The following DAB2 variants were observed in gnomAD, a reference collection of about 807,000 sequenced individuals.
DAB2 encodes the protein DAB adaptor protein 2, also known as disabled homolog 2.
A neutral mutation model predicts 71.6 loss-of-function variants in DAB2; 28 were observed. That is an observed-to-expected ratio of 0.39 (90% CI 0.29 to 0.54). The LOEUF (loss-of-function observed/expected upper bound fraction) is 0.54, where lower values mean the gene tolerates loss of function less well. Among genes scored for constraint, DAB2 ranks in the 20% least tolerant of loss-of-function variants. The pLI, the probability that DAB2 is intolerant of heterozygous loss-of-function variation, is 0.68. For missense variants in DAB2, 867 were observed against 928.8 expected (o/e 0.93, Z 0.86); for synonymous variants, 345 against 339.7 (o/e 1.02, Z -0.17).
At chr5:39,414,993 T>A (rs1201730500) in intron 1 of DAB2, among the ~76,000 whole-genome samples, 1 of 152,092 alleles carries the variant, frequency 6.6e-6, no homozygotes, top group Non-Finnish European at 1.5e-5. Flanking sequence ...AGGTCACAGT[T>A]ATAACTGATG....
At chr5:39,412,714 T>TA (rs1380990688) in intron 1 of DAB2, among the ~76,000 whole-genome samples, 10 of 152,160 alleles carry the variant, frequency 6.6e-5, no homozygotes, top group Non-Finnish European at 1.2e-4. Flanking sequence ...GATGTGATGC[T>TA]AAGACATTAT....
chr5:39,404,250 G>C (rs78795008), intron 1 of DAB2, among the ~76,000 whole-genome samples: 7,331 of 108,342 alleles, frequency 0.068, 399 homozygotes, highest in African/African-American at 0.14. Context: ...GTTGTGGGGT[G>C]GGGGGAGGGG....
chr5:39,390,847 G>A (rs1262824423), intron 4 of DAB2, among the ~76,000 whole-genome samples: 1 of 152,136 alleles, frequency 6.6e-6, no homozygotes, highest in African/African-American at 2.4e-5. Flanking sequence ...ATGCCACATA[G>A]CCAGGAAGGA....
At chr5:39,402,246 A>G (rs181243711) in intron 1 of DAB2, among the ~76,000 whole-genome samples, 147 of 152,278 alleles carry the variant, frequency 9.7e-4, no homozygotes, top group African/African-American at 3.4e-3. Context: ...AAGCCAAACC[A>G]TATCAGTAGC....
At chr5:39,397,349 A>T (rs1202864688) in intron 1 of DAB2, among the ~76,000 whole-genome samples, 6 of 152,174 alleles carry the variant, frequency 3.9e-5, no homozygotes, top group African/African-American at 1.2e-4. Flanking sequence ...TATCAGCACC[A>T]TGAGACCCCC....
intron 11 of DAB2, among the ~76,000 whole-genome samples, chr5:39,377,669 A>G (rs1754865086): frequency 6.6e-6 from 1 of 152,210 alleles, no homozygotes; most frequent in African/African-American, 2.4e-5. Flanking sequence ...TTAAGTGAAT[A>G]TATTTTTATG....
intron 1 of DAB2, among the ~76,000 whole-genome samples, chr5:39,412,784 T>G (rs1755760708): frequency 1.3e-5 from 2 of 152,002 alleles, no homozygotes; most frequent in African/African-American, 4.8e-5. Context: ...AGCACAGGAG[T>G]GAAGCAACAA....
In DAB2 at chr5:39,377,286, A is replaced by C. The variant is rs566946886; in HGVS notation, c.1505-4T>G. ...GGGAGTGTGACAGTTACACCACCTG[A>C]AGTAAGAGGAAGAAAAATACTTATC... On this transcript the variant is annotated splice_region_variant and splice_polypyrimidine_tract_variant and intron_variant, in intron 11 of 14. Transcript: ENST00000320816. 1 of 1,602,576 alleles carries C rather than the reference A, an allele frequency of 6.2e-7. No individual in the cohort carries two copies. The highest frequency in any genetic ancestry group is 1.1e-5 in the South Asian group (1 of 89,506).
rs751135253 is a variant in DAB2, at chr5:39,379,285, CT to C, written c.1505-2004del. On this transcript the variant is annotated intron_variant, in intron 11 of 14. Coordinates refer to ENST00000320816, the MANE Select transcript of DAB2 (RefSeq NM_001343.4). ...CCTGGCCAACGTGGCGAAACCCTGT[CT>C]CTACTAACATACAAAAATTAGCTGG... is the stretch of plus-strand genomic sequence containing the variant. 2.4e-4 allele frequency among the ~76,000 whole-genome samples: 37 copies of C among 151,908 alleles called. 1 individual carries two copies. Among genetic ancestry groups the C allele is most frequent in the Admixed American group, 2.3e-3 (35 of 15,266 alleles).
intron 9 of DAB2, among the ~76,000 whole-genome samples, chr5:39,385,955 T>C (rs1018963704): frequency 1.3e-5 from 2 of 152,208 alleles, no homozygotes; most frequent in African/African-American, 4.8e-5. Context: ...GATTTTTCTG[T>C]CTGCACTTGC....
At chr5:39,373,920 C>A (rs73078540) in intron 14 of DAB2, among the ~76,000 whole-genome samples, 169 of 152,222 alleles carry the variant, frequency 1.1e-3, no homozygotes, top group African/African-American at 3.8e-3. Flanking sequence ...ATTTCCTTGG[C>A]ACCAAAGAGA....
chr5:39,392,695 A>C (rs1755264432), intron 3 of DAB2, among the ~76,000 whole-genome samples: 1 of 152,226 alleles, frequency 6.6e-6, no homozygotes, highest in Non-Finnish European at 1.5e-5. Context: ...TCTTGGCCTC[A>C]GAATAGTCAC....
chr5:39,383,229 C>A lies in DAB2; in HGVS notation c.730G>T (p.Asp244Tyr). The A allele has an allele frequency of 6.2e-7, 1 of 1,613,378 alleles. No individual in the cohort carries two copies. The highest frequency in any genetic ancestry group is 1.1e-5 in the South Asian group (1 of 90,998). The change falls in exon 10 of 15, where the codon GAC becomes TAC. Residue 244 changes from aspartate (D) to tyrosine (Y), a missense_variant. Physicochemically the swap from Asp to Tyr is radical, Grantham distance 160. Around this residue, in one of 2 missense-constraint regions of DAB2, gnomAD observed 740 missense variants for 734.3 expected, o/e 1.01. Transcript: ENST00000320816. ...TCTCTTAAAGAATTCTGATTGGTGT[C>A]GATTTCAGAGTTTAGATCCACTAAC... ...ILLVDLNSEIDTNQNSLRENP... is the reference protein window; with the variant it reads ...ILLVDLNSEIYTNQNSLRENP...
In DAB2 at chr5:39,402,025, G is replaced by C. The variant is rs184068786; in HGVS notation, c.-101-7604C>G. On this transcript the variant is annotated intron_variant, in intron 1 of 14. Coordinates refer to ENST00000320816, the MANE Select transcript of DAB2 (RefSeq NM_001343.4). The stretch of plus-strand genomic sequence containing the variant: ...CTCACAATCGTGGTGGAAGGTGAAA[G>C]GCACGTCTTACATGGTGGCAGACAA... 6.6e-3 allele frequency among the ~76,000 whole-genome samples: 1,008 copies of C among 152,228 alleles called. 6 individuals carry two copies. The highest frequency in any genetic ancestry group is 0.023 in the African/African-American group (958 of 41,512).
intron 1 of DAB2, chr5:39,423,899 TAAAA>T (rs1390849008): frequency 1.3e-5 from 2 of 150,990 alleles, no homozygotes; most frequent in Non-Finnish European, 3.0e-5. Context: ...AAACAAAAAC[TAAAA>T]AGAAAGGGGA....
chr5:39,390,058 T>C lies in DAB2; in HGVS notation c.463-126A>G, dbSNP rs1435982470. The C allele has an allele frequency of 5.8e-6, 4 of 691,948 alleles. No individual in the cohort carries two copies. In the East Asian group the frequency reaches 1.1e-4, roughly 20 times the overall value. The allele number at this position is 691,948 out of a possible 1,614,324, so 42.9% of individuals were successfully genotyped here. ...CTTAAAACGCCTTACTACCCTCTGC[T>C]GGCTTATAGGGGATCACCACCAACC... On this transcript the variant is annotated intron_variant, in intron 5 of 14. Transcript: ENST00000320816.
At chr5:39,382,371 G>A (rs1754999178) in intron 10 of DAB2, among the ~76,000 whole-genome samples, 1 of 152,158 alleles carries the variant, frequency 6.6e-6, no homozygotes, top group South Asian at 2.1e-4. Flanking sequence ...AAAAACTTGT[G>A]TTTAGTTTAA....
At position 39,382,643 on chromosome 5, in the gene DAB2, G is replaced by A. The variant is rs1183022940; in HGVS notation, c.1316C>T (p.Pro439Leu). 7 of 1,613,928 alleles carry A rather than the reference G, an allele frequency of 4.3e-6. No individual in the cohort carries two copies. Among genetic ancestry groups the A allele is most frequent in the Non-Finnish European group, 5.9e-6 (7 of 1,179,844 alleles). ...CTTAGCAGTCCTTCTGCCTCTTCCT[G>A]GTTTGGTACTTTGTGGAGGTGGGAT... ...AIIPPPQSTK[P>L]GRGRRTAKSS... The change falls in exon 10 of 15, where the codon CCA becomes CTA. Residue 439 changes from proline (P) to leucine (L), a missense_variant. Transcript: ENST00000320816.
chr5:39,421,274 A>C (rs1755978993), intron 1 of DAB2, among the ~76,000 whole-genome samples: 1 of 152,226 alleles, frequency 6.6e-6, no homozygotes. Context: ...ATTTGCTTTC[A>C]GTTTTCACAA....
Sources: gnomAD v4.1 joint callset for allele counts (sites outside exome capture counted in the v4.1 genomes callset) on GRCh38, gnomAD v4.1.1 for gene constraint, gnomAD v4.1.1 regional missense constraint, MANE v1.5 for transcripts, NCBI Gene and HGNC (gene_info 2026-07-23, HGNC 2026-07-21) for gene names.